DOCK1: variants seen among roughly 807,000 people sequenced by gnomAD.
DOCK1 encodes the protein dedicator of cytokinesis protein 1.
A neutral mutation model predicts 262.7 loss-of-function variants in DOCK1; 138 were observed. That is an observed-to-expected ratio of 0.53 (90% CI 0.46 to 0.61). DOCK1 has a LOEUF of 0.61. DOCK1 is among the 20% of genes least tolerant of loss of function. The pLI, the probability that DOCK1 is intolerant of heterozygous loss-of-function variation, is 0.00. For synonymous variants in DOCK1, 866 were observed against 867.4 expected (o/e 1.00, Z 0.03); for missense variants, 1,908 against 2,370.7 (o/e 0.80, Z 4.05).
intron 23 of DOCK1, among the ~76,000 whole-genome samples, chr10:127,093,581 T>C (rs1204553254): frequency 6.6e-6 from 1 of 152,014 alleles, no homozygotes; most frequent in African/African-American, 2.4e-5. Context: ...CTTGAACTCC[T>C]GAGCTCAAGC....
intron 29 of DOCK1, among the ~76,000 whole-genome samples, chr10:127,333,716 T>C (rs2063079943): frequency 6.6e-6 from 1 of 152,212 alleles, no homozygotes; most frequent in Admixed American, 6.5e-5. Context: ...AGGTGCCTCC[T>C]GCAGGCAGAG....
chr10:127,346,555 G>C (rs371369429), intron 31 of DOCK1, among the ~76,000 whole-genome samples: 1 of 152,098 alleles, frequency 6.6e-6, no homozygotes, highest in Non-Finnish European at 1.5e-5. Flanking sequence ...ATGATCACAC[G>C]ACTGCGCTCC....
chr10:127,038,067 C>G (rs1255609411), intron 19 of DOCK1, among the ~76,000 whole-genome samples: 1 of 151,904 alleles, frequency 6.6e-6, no homozygotes, highest in Non-Finnish European at 1.5e-5. Context: ...AACCCCGTCT[C>G]TACTAAAAAT....
chr10:127,060,925 A>C (rs914575548), intron 22 of DOCK1, among the ~76,000 whole-genome samples: 46 of 152,258 alleles, frequency 3.0e-4, no homozygotes, highest in African/African-American at 1.1e-3. Context: ...TTTGTGACAT[A>C]ATGGGTTTAA....
intron 1 of DOCK1, among the ~76,000 whole-genome samples, chr10:126,947,821 GGTT>G (rs2035655135): frequency 3.9e-5 from 3 of 76,372 alleles, no homozygotes; most frequent in East Asian, 4.9e-4. Flanking sequence ...TGGTGGTGGT[GGTT>G]GGTAGTATTA....
At chr10:127,353,384 G>A (rs1278794127) in intron 31 of DOCK1, among the ~76,000 whole-genome samples, 13 of 152,202 alleles carry the variant, frequency 8.5e-5, no homozygotes, top group Non-Finnish European at 4.4e-5. Flanking sequence ...TGTTCAGGTC[G>A]TGTGTTTCCT....
At chr10:127,024,341 T>A (rs867004) in intron 14 of DOCK1, among the ~76,000 whole-genome samples, 1 of 151,928 alleles carries the variant, frequency 6.6e-6, no homozygotes, top group African/African-American at 2.4e-5. Context: ...GGGTTCCCAC[T>A]TTTTAGTCTA....
intron 1 of DOCK1, among the ~76,000 whole-genome samples, chr10:126,950,269 A>G (rs2036092547): frequency 6.6e-6 from 1 of 152,024 alleles, no homozygotes; most frequent in Admixed American, 6.6e-5. Context: ...TATCTGTGTC[A>G]TGTCTTGTCT....
intron 23 of DOCK1, among the ~76,000 whole-genome samples, chr10:127,098,056 G>A (rs370321508): frequency 6.6e-6 from 1 of 152,184 alleles, no homozygotes; most frequent in Non-Finnish European, 1.5e-5. Context: ...TGATTATCCC[G>A]CTCTGCTGCA....
intron 20 of DOCK1, 62 bp from the exon 21 acceptor site, chr10:127,043,002 T>C (rs2044121417): frequency 7.6e-7 from 1 of 1,321,030 alleles, no homozygotes; most frequent in Non-Finnish European, 1.1e-6. Flanking sequence ...ATGGTTCTGA[T>C]GAAGATTATA....
chr10:127,295,658 T>A (rs1278112732), intron 29 of DOCK1, among the ~76,000 whole-genome samples: 1 of 150,804 alleles, frequency 6.6e-6, no homozygotes, highest in African/African-American at 2.4e-5. Context: ...TGCAGTCCAG[T>A]GAGACACTGC....
intron 46 of DOCK1, among the ~76,000 whole-genome samples, chr10:127,422,049 G>A (rs12783538): frequency 0.27 from 40,556 of 151,270 alleles, 5,773 homozygotes; most frequent in African/African-American, 0.36. Context: ...TCTTTTTCAC[G>A]AAACTGCCAA....
chr10:127,420,546 G>A (rs2068439696), intron 46 of DOCK1, among the ~76,000 whole-genome samples: 1 of 152,150 alleles, frequency 6.6e-6, no homozygotes, highest in African/African-American at 2.4e-5. Flanking sequence ...GTTGAGGGAG[G>A]TGGGGGCAAA....
chr10:127,206,370 G>A (rs543177746), intron 27 of DOCK1, among the ~76,000 whole-genome samples: 2 of 152,060 alleles, frequency 1.3e-5, no homozygotes, highest in South Asian at 2.1e-4. Context: ...TCTCAAACTC[G>A]TGACCTCAAG....
intron 39 of DOCK1, 105 bp downstream of exon 39, chr10:127,403,249 G>A: frequency 8.5e-7 from 1 of 1,178,302 alleles, no homozygotes; most frequent in Admixed American, 2.4e-5. Flanking sequence ...CAGGCACTCT[G>A]GGACCTTGGC....
At chr10:127,059,449 C>T (rs924356934) in intron 22 of DOCK1, among the ~76,000 whole-genome samples, 8 of 152,132 alleles carry the variant, frequency 5.3e-5, no homozygotes, top group African/African-American at 1.7e-4. Flanking sequence ...GTTAGATCTC[C>T]TCAATATGCC....
intron 28 of DOCK1, among the ~76,000 whole-genome samples, chr10:127,253,874 C>CA (rs575042004): frequency 0.64 from 64,726 of 101,390 alleles, 20,352 homozygotes; most frequent in Admixed American, 0.66. Flanking sequence ...GACCCTGTCT[C>CA]AAAAAAAAAA....
chr10:127,347,321 A>G (rs2063678385), intron 31 of DOCK1, among the ~76,000 whole-genome samples: 1 of 152,206 alleles, frequency 6.6e-6, no homozygotes, highest in African/African-American at 2.4e-5. Context: ...TAGTGGGGTA[A>G]ATGGAGAAGC....
intron 1 of DOCK1, among the ~76,000 whole-genome samples, chr10:126,916,990 G>A (rs1210766904): frequency 2.8e-5 from 4 of 143,030 alleles, no homozygotes; most frequent in African/African-American, 5.2e-5. Flanking sequence ...CGAGGCCAGC[G>A]GTGTTTCAGA....
Sources: allele counts gnomAD v4.1 joint callset (sites outside exome capture counted in the v4.1 genomes callset), GRCh38; gene constraint gnomAD v4.1.1; transcripts MANE v1.5; gene names NCBI Gene and HGNC (gene_info 2026-07-23, HGNC 2026-07-21).